PPM1E: variants seen among roughly 807,000 people sequenced by gnomAD.
PPM1E encodes the protein protein phosphatase 1E.
Under a neutral mutation model 65.9 loss-of-function variants are expected in PPM1E, and 20 were observed. The observed-to-expected ratio is 0.30, with a 90% CI of 0.21 to 0.44. PPM1E has a LOEUF of 0.44. Ranked by LOEUF, PPM1E falls within the 20% of genes least tolerant of loss-of-function variation. The pLI is 1.00. For missense variants in PPM1E, 713 were observed against 953.1 expected, an observed-to-expected ratio of 0.75 and a Z score of 3.32; for synonymous variants, 352 against 374.9, an observed-to-expected ratio of 0.94 and a Z score of 0.70.
At position 58,755,981 on chromosome 17, in the gene PPM1E, C is replaced by G. The variant is rs1271426092; in HGVS notation, c.-17C>G. Reference sequence around the variant, plus strand: ...CCCCCAACCCCTTTCCCGGTCTGCCCTGGGGCATGAGCAGCGATGGCCGGC... The same window carrying G: ...CCCCCAACCCCTTTCCCGGTCTGCCGTGGGGCATGAGCAGCGATGGCCGGC... On this transcript the variant is annotated 5_prime_UTR_variant, in exon 1 of 7. Coordinates refer to ENST00000308249, the MANE Select transcript of PPM1E (RefSeq NM_014906.5). 8 of 1,613,888 alleles carry G rather than the reference C, an allele frequency of 5.0e-6. No homozygotes were observed. Among genetic ancestry groups the G allele is most frequent in the Non-Finnish European group, 6.8e-6 (8 of 1,179,886 alleles).
At chr17:58,827,216 C>A (rs999411300) in intron 1 of PPM1E, among the ~76,000 whole-genome samples, 3 of 148,422 alleles carry the variant, frequency 2.0e-5, no homozygotes, top group African/African-American at 7.5e-5. Context: ...TGGTTTACTG[C>A]AATCTCCGCC....
At chr17:58,793,449 G>A (rs1424926664) in intron 1 of PPM1E, among the ~76,000 whole-genome samples, 5 of 151,782 alleles carry the variant, frequency 3.3e-5, no homozygotes, top group South Asian at 2.1e-4. Context: ...TCCGCCTCCC[G>A]AGTTCATGCC....
intron 1 of PPM1E, among the ~76,000 whole-genome samples, chr17:58,843,878 A>G (rs984193283): frequency 6.6e-6 from 1 of 152,146 alleles, no homozygotes; most frequent in Non-Finnish European, 1.5e-5. Flanking sequence ...TTGTAGGGGA[A>G]ATGGCATATG....
intron 1 of PPM1E, among the ~76,000 whole-genome samples, chr17:58,815,775 G>T (rs1052649642): frequency 6.6e-6 from 1 of 152,046 alleles, no homozygotes; most frequent in Non-Finnish European, 1.5e-5. Flanking sequence ...AGAAGATTAT[G>T]ATGTTGAATT....
At chr17:58,803,726 C>A (rs2050279814) in intron 1 of PPM1E, among the ~76,000 whole-genome samples, 1 of 152,124 alleles carries the variant, frequency 6.6e-6, no homozygotes, top group Non-Finnish European at 1.5e-5. Context: ...ACCTGTAAGA[C>A]AAAAGTATAC....
intron 1 of PPM1E, among the ~76,000 whole-genome samples, chr17:58,878,390 G>A (rs1040933017): frequency 7.2e-5 from 11 of 151,748 alleles, no homozygotes; most frequent in African/African-American, 2.2e-4. Context: ...TTACAGGCAC[G>A]TGCCACCACA....
At chr17:58,879,417 T>G (rs970698987) in intron 1 of PPM1E, among the ~76,000 whole-genome samples, 7 of 151,046 alleles carry the variant, frequency 4.6e-5, no homozygotes, top group Non-Finnish European at 1.0e-4. Flanking sequence ...CTTGGCCAAT[T>G]GTTTACTCTG....
chr17:58,793,455 A>T (rs1052003678), intron 1 of PPM1E, among the ~76,000 whole-genome samples: 1 of 151,902 alleles, frequency 6.6e-6, no homozygotes, highest in Admixed American at 6.6e-5. Context: ...TCCCGAGTTC[A>T]TGCCATTTTC....
At chr17:58,972,495 CAT>C (rs2030704270) in intron 5 of PPM1E, among the ~76,000 whole-genome samples, 1 of 152,112 alleles carries the variant, frequency 6.6e-6, no homozygotes, top group Non-Finnish European at 1.5e-5. Context: ...GGATTACAGG[CAT>C]GTGCCACCAC....
intron 1 of PPM1E, among the ~76,000 whole-genome samples, chr17:58,859,963 A>G (rs568806890): frequency 1.5e-4 from 23 of 152,322 alleles, no homozygotes; most frequent in African/African-American, 5.5e-4. Context: ...CTTGGGCTGC[A>G]GTATGTCTAA....
At position 58,972,842 on chromosome 17, in the gene PPM1E, A is replaced by G; in HGVS notation, c.1127A>G (p.Gln376Arg). 6.2e-7 allele frequency: 1 copy of G among 1,612,830 alleles called. No homozygotes were observed. ...PHKPDREDEK[Q>R]RIEALGGCVV... ...TGCATTGCTGTTTAGGATGAAAAGC[A>G]GAGAATTGAGGCCCTTGGAGGTTGC... The change falls in exon 6 of 7, where the codon CAG (glutamine) becomes CGG (arginine). Residue 376 changes from glutamine (Q) to arginine (R), a missense_variant. Coordinates refer to ENST00000308249, the MANE Select transcript of PPM1E (RefSeq NM_014906.5).
chr17:58,774,689 G>T (rs531847677), intron 1 of PPM1E, among the ~76,000 whole-genome samples: 2 of 152,036 alleles, frequency 1.3e-5, no homozygotes, highest in South Asian at 4.1e-4. Flanking sequence ...ACATTATATT[G>T]TTATGTTTAT....
chr17:58,827,888 C>T (rs1395327068), intron 1 of PPM1E, among the ~76,000 whole-genome samples: 9 of 121,784 alleles, frequency 7.4e-5, no homozygotes, highest in Admixed American at 9.1e-5. Flanking sequence ...GGCGACAGAG[C>T]GAGACTCCAT....
intron 1 of PPM1E, among the ~76,000 whole-genome samples, chr17:58,862,866 G>A (rs967717154): frequency 1.3e-5 from 2 of 152,164 alleles, no homozygotes; most frequent in Admixed American, 1.3e-4. Flanking sequence ...TCTTGGAGGA[G>A]TATGTTTTCC....
intron 1 of PPM1E, among the ~76,000 whole-genome samples, chr17:58,940,991 G>A (rs932212186): frequency 5.9e-5 from 9 of 152,294 alleles, no homozygotes; most frequent in African/African-American, 1.9e-4. Context: ...GATTACAGGC[G>A]TGTGCCACCA....
At chr17:58,893,508 T>C (rs918498330) in intron 1 of PPM1E, among the ~76,000 whole-genome samples, 2 of 152,144 alleles carry the variant, frequency 1.3e-5, no homozygotes, top group Non-Finnish European at 2.9e-5. Context: ...AGCTATTCTG[T>C]AGAATGCTAT....
chr17:58,804,429 T>C (rs2050286326), intron 1 of PPM1E, among the ~76,000 whole-genome samples: 1 of 152,190 alleles, frequency 6.6e-6, no homozygotes, highest in Admixed American at 6.5e-5. Flanking sequence ...ACCAAAACAT[T>C]ATTCTCTAAC....
At chr17:58,885,198 A>G (rs1262864624) in intron 1 of PPM1E, among the ~76,000 whole-genome samples, 1 of 152,156 alleles carries the variant, frequency 6.6e-6, no homozygotes, top group Non-Finnish European at 1.5e-5. Context: ...CTGGGATTAA[A>G]GGCACTTGCC....
rs138208425 is a variant in PPM1E, at chr17:58,901,522, A to T, written c.465-54127A>T. On this transcript the variant is annotated intron_variant, in intron 1 of 6. Coordinates refer to ENST00000308249, the MANE Select transcript of PPM1E (RefSeq NM_014906.5). The stretch of plus-strand genomic sequence containing the variant: ...AACCTCATGTATGTCTAATAAAAAT[A>T]CAAAAATTAGCCGGGCATGGTGGTC... Among the ~76,000 whole-genome samples the T allele has an allele frequency of 5.8e-3, 879 of 152,164 alleles. 4 individuals carry two copies. Among genetic ancestry groups the T allele is most frequent in the African/African-American group, 9.4e-3 (392 of 41,498 alleles).
Sources: allele counts gnomAD v4.1 joint callset (sites outside exome capture counted in the v4.1 genomes callset), GRCh38; gene constraint gnomAD v4.1.1; transcripts MANE v1.5; gene names NCBI Gene and HGNC (gene_info 2026-07-23, HGNC 2026-07-21).